WDR7: variants seen among roughly 807,000 people sequenced by gnomAD.
WDR7 encodes WD repeat-containing protein 7.
In WDR7, 46 loss-of-function variants were observed where a neutral mutation model predicts 169.4. The observed-to-expected ratio is 0.27, with a 90% CI of 0.21 to 0.35. The LOEUF is 0.35. WDR7 is among the 10% of genes least tolerant of loss of function. The pLI, the probability that WDR7 is intolerant of heterozygous loss-of-function variation, is 1.00. For missense variants in WDR7, 1,534 were observed against 1,859.3 expected (o/e 0.83, Z 3.22); for synonymous variants, 612 against 666.8 (o/e 0.92, Z 1.27).
intron 21 of WDR7, among the ~76,000 whole-genome samples, chr18:56,892,388 T>C (rs983776134): frequency 6.6e-6 from 1 of 152,146 alleles, no homozygotes; most frequent in African/African-American, 2.4e-5. Context: ...AAAGTATTTT[T>C]CTGCTGTCTG....
chr18:56,806,287 C>T (rs113614290), intron 19 of WDR7, among the ~76,000 whole-genome samples: 220 of 152,260 alleles, frequency 1.4e-3, no homozygotes, highest in Non-Finnish European at 2.4e-3. Context: ...CTCCTGCCTT[C>T]GCCATGCTCA....
chr18:56,727,342 G>A (rs1292817593), intron 13 of WDR7, among the ~76,000 whole-genome samples: 2 of 149,476 alleles, frequency 1.3e-5, no homozygotes, highest in Non-Finnish European at 2.9e-5. Flanking sequence ...GTTGGGAATG[G>A]ATTTTTTTTT....
At position 56,746,013 on chromosome 18, in the gene WDR7, A is replaced by AT. The variant is rs556388664; in HGVS notation, c.1990-10563dup. On this transcript the variant is annotated intron_variant, in intron 14 of 27. Coordinates refer to ENST00000254442, the MANE Select transcript of WDR7 (RefSeq NM_015285.3). Reference sequence around the variant, plus strand: ...GGGACAATGATTTCAAGGTTTAAACATTTTTTTCCAGTGTGAATCTTGTAA... The same window carrying AT: ...GGGACAATGATTTCAAGGTTTAAACATTTTTTTTCCAGTGTGAATCTTGTAA... 2.5e-3 allele frequency among the ~76,000 whole-genome samples: 374 copies of AT among 152,142 alleles called. 2 individuals carry two copies. The highest frequency in any genetic ancestry group is 8.6e-3 in the African/African-American group (357 of 41,500).
intron 26 of WDR7, among the ~76,000 whole-genome samples, chr18:56,999,604 A>C (rs1268591972): frequency 6.6e-6 from 1 of 152,152 alleles, no homozygotes; most frequent in African/African-American, 2.4e-5. Flanking sequence ...GGTGGTGGGC[A>C]CTTATCAAGG....
intron 2 of WDR7, among the ~76,000 whole-genome samples, chr18:56,676,476 C>T (rs2025246338): frequency 6.6e-6 from 1 of 152,062 alleles, no homozygotes; most frequent in Non-Finnish European, 1.5e-5. Flanking sequence ...TTCAGGTCTT[C>T]CTTTCAGTGA....
At chr18:56,917,060 G>A (rs2046638243) in intron 21 of WDR7, among the ~76,000 whole-genome samples, 1 of 152,160 alleles carries the variant, frequency 6.6e-6, no homozygotes, top group African/African-American at 2.4e-5. Flanking sequence ...AGCCAGGCAT[G>A]GTGGTGCATG....
At chr18:56,766,524 A>G (rs542886814) in intron 16 of WDR7, among the ~76,000 whole-genome samples, 20 of 152,162 alleles carry the variant, frequency 1.3e-4, no homozygotes, top group Admixed American at 8.5e-4. Flanking sequence ...GTAATATGCC[A>G]TTGGTCCCAT....
At chr18:56,869,472 T>C (rs957590730) in intron 20 of WDR7, among the ~76,000 whole-genome samples, 1 of 152,148 alleles carries the variant, frequency 6.6e-6, no homozygotes, top group African/African-American at 2.4e-5. Context: ...GCCTCTTAGA[T>C]TTGGGGAGCA....
chr18:56,741,192 T>C (rs79894616), intron 14 of WDR7, among the ~76,000 whole-genome samples: 5,325 of 152,232 alleles, frequency 0.035, 320 homozygotes, highest in African/African-American at 0.12. Context: ...TTTGTGGCCC[T>C]CAAAGTTTAA....
At chr18:56,815,945 TTAAG>T in intron 19 of WDR7, 82 bp from the exon 20 acceptor site, 2 of 1,070,256 alleles carry the variant, frequency 1.9e-6, no homozygotes, top group Non-Finnish European at 2.6e-6. Context: ...TTTATGTCCA[TTAAG>T]TAAATTAAAA....
intron 17 of WDR7, among the ~76,000 whole-genome samples, chr18:56,779,013 A>G (rs2044279796): frequency 6.6e-6 from 1 of 152,226 alleles, no homozygotes; most frequent in South Asian, 2.1e-4. Context: ...GCCTTAAGTG[A>G]CATGAACCTA....
chr18:56,658,177 C>A (rs546164144), intron 1 of WDR7, among the ~76,000 whole-genome samples: 73 of 152,248 alleles, frequency 4.8e-4, no homozygotes, highest in African/African-American at 1.5e-3. Context: ...GATCTCGGCT[C>A]ACTGCAACCT....
intron 26 of WDR7, among the ~76,000 whole-genome samples, chr18:56,964,401 C>CT (rs997946649): frequency 2.0e-5 from 3 of 151,880 alleles, no homozygotes; most frequent in African/African-American, 7.3e-5. Context: ...GATGGAGTGT[C>CT]TGTCTGTTGC....
At chr18:57,021,330 G>A (rs1336298870) in intron 27 of WDR7, among the ~76,000 whole-genome samples, 2 of 152,180 alleles carry the variant, frequency 1.3e-5, no homozygotes, top group Non-Finnish European at 2.9e-5. Flanking sequence ...GGCAGGAGAA[G>A]CCTCGCTGGC....
At chr18:56,781,143 A>G (rs2044312849) in intron 18 of WDR7, among the ~76,000 whole-genome samples, 1 of 152,170 alleles carries the variant, frequency 6.6e-6, no homozygotes. Flanking sequence ...CAAGCTAAAA[A>G]AACAATAGCT....
chr18:56,901,033 T>C (rs1220849501), intron 21 of WDR7, among the ~76,000 whole-genome samples: 1 of 152,238 alleles, frequency 6.6e-6, no homozygotes, highest in Non-Finnish European at 1.5e-5. Context: ...TTTACTGTTA[T>C]AATTCTAAAT....
At chr18:57,005,990 C>A (rs753261409) in intron 26 of WDR7, among the ~76,000 whole-genome samples, 9 of 152,170 alleles carry the variant, frequency 5.9e-5, no homozygotes, top group African/African-American at 2.2e-4. Context: ...TATATAAAGT[C>A]TTTTAAGCCT....
intron 20 of WDR7, among the ~76,000 whole-genome samples, chr18:56,820,640 C>T (rs1413378462): frequency 6.6e-6 from 1 of 152,072 alleles, no homozygotes; most frequent in African/African-American, 2.4e-5. Flanking sequence ...TCCCCCTGCC[C>T]TCAGTTACGT....
chr18:57,007,715 G>T (rs1364021505), intron 26 of WDR7, among the ~76,000 whole-genome samples: 2 of 152,118 alleles, frequency 1.3e-5, no homozygotes, highest in Non-Finnish European at 2.9e-5. Context: ...TAAAATATTA[G>T]ATAAAATATT....
Sources: allele counts gnomAD v4.1 joint callset (sites outside exome capture counted in the v4.1 genomes callset), GRCh38; gene constraint gnomAD v4.1.1; transcripts MANE v1.5; gene names NCBI Gene and HGNC (gene_info 2026-07-23, HGNC 2026-07-21).